The following GTF2I variants were observed in gnomAD, a reference collection of about 807,000 sequenced individuals.
GTF2I encodes the protein general transcription factor IIi, also known as general transcription factor II-I.
In GTF2I, 12 loss-of-function variants were observed where a neutral mutation model predicts 67.6. The ratio of observed to expected loss-of-function variants is 0.18; its 90% confidence interval spans 0.11 to 0.29. GTF2I has a LOEUF of 0.29. GTF2I is among the 10% of genes least tolerant of loss of function. GTF2I has a pLI of 1.00. For missense variants in GTF2I, 271 were observed against 580.1 expected, an observed-to-expected ratio of 0.47 and a Z score of 5.47; for synonymous variants, 149 against 197.0, an observed-to-expected ratio of 0.76 and a Z score of 2.04.
At chr7:74,691,480 T>C (rs1788304164) in intron 3 of GTF2I, among the ~76,000 whole-genome samples, 1 of 152,190 alleles carries the variant, frequency 6.6e-6, no homozygotes, top group Non-Finnish European at 1.5e-5. Flanking sequence ...TGCAGAGGGA[T>C]TATAGGCGTG....
At chr7:74,680,079 C>CAAAAAAAA (rs1225904374) in intron 1 of GTF2I, among the ~76,000 whole-genome samples, 2 of 30,524 alleles carry the variant, frequency 6.6e-5, no homozygotes, top group Admixed American at 7.6e-4. Flanking sequence ...GAGTCCATCT[C>CAAAAAAAA]AAAAAAAAAA....
chr7:74,706,519 G>A, intron 8 of GTF2I, 86 bp downstream of exon 8: 1 of 1,024,434 alleles, frequency 9.8e-7, no homozygotes, highest in Non-Finnish European at 1.5e-6. Flanking sequence ...CTCAATTATT[G>A]TTTTGTTTTG....
In GTF2I at chr7:74,697,808, C is replaced by T. The variant is rs587748867; in HGVS notation, c.239-1153C>T. On this transcript the variant is annotated intron_variant, in intron 3 of 34. Coordinates refer to ENST00000573035, the MANE Select transcript of GTF2I (RefSeq NM_032999.4). Reference sequence around the variant, plus strand: ...TTTTTGAGACGGAGTCTTGCTCTGTCGCCAGGCTGGAGTGCAGTGGTGCAA... The same window carrying T: ...TTTTTGAGACGGAGTCTTGCTCTGTTGCCAGGCTGGAGTGCAGTGGTGCAA... 7.1e-4 allele frequency among the ~76,000 whole-genome samples: 108 copies of T among 152,234 alleles called. 1 individual carries two copies. The highest frequency in any genetic ancestry group is 2.4e-3 in the African/African-American group (100 of 41,560).
At chr7:74,688,182 G>C (rs782772342) in intron 1 of GTF2I, among the ~76,000 whole-genome samples, 1 of 152,012 alleles carries the variant, frequency 6.6e-6, no homozygotes, top group Non-Finnish European at 1.5e-5. Context: ...AGGTTCAAGC[G>C]ATTCCCCTGT....
At chr7:74,724,778 G>C (rs1007318352) in intron 12 of GTF2I, among the ~76,000 whole-genome samples, 3 of 151,998 alleles carry the variant, frequency 2.0e-5, no homozygotes, top group Admixed American at 6.6e-5. Context: ...AAAATTAGCT[G>C]GGCGTGGTGG....
chr7:74,709,346 T>C (rs1304555170), intron 8 of GTF2I, among the ~76,000 whole-genome samples: 1 of 152,202 alleles, frequency 6.6e-6, no homozygotes, highest in Admixed American at 6.5e-5. Context: ...TGTCTCAGAT[T>C]CAAGCGATTC....
chr7:74,716,287 T>C (rs1792255747), intron 10 of GTF2I, among the ~76,000 whole-genome samples: 1 of 152,168 alleles, frequency 6.6e-6, no homozygotes, highest in Non-Finnish European at 1.5e-5. Flanking sequence ...CATTGCTTTA[T>C]GTTCCAGTTT....
chr7:74,708,765 A>G (rs1554402004), intron 8 of GTF2I, among the ~76,000 whole-genome samples: 1 of 152,194 alleles, frequency 6.6e-6, no homozygotes, highest in Non-Finnish European at 1.5e-5. Context: ...ACTGAGAGAC[A>G]TCAGTTTTGT....
Position 74,658,535 on chromosome 7 carries a change from G to C in GTF2I, c.-6+467G>C, listed in dbSNP as rs587726562. Among the ~76,000 whole-genome samples the C allele has an allele frequency of 3.8e-3, 569 of 150,098 alleles. 2 individuals carry two copies. The highest frequency in any genetic ancestry group is 9.1e-3 in the South Asian group (44 of 4,818). On this transcript the variant is annotated intron_variant, in intron 1 of 34. Transcript: ENST00000573035. ...CGGGGGCGCGCGCGGTGCCAGGCCCGAGCCGTCGTGGGGTCGCGCTCGCCT... is the reference window on the plus strand; with the variant it reads ...CGGGGGCGCGCGCGGTGCCAGGCCCCAGCCGTCGTGGGGTCGCGCTCGCCT...
At chr7:74,719,260 TAGA>T (rs1792637575) in intron 12 of GTF2I, among the ~76,000 whole-genome samples, 1 of 152,236 alleles carries the variant, frequency 6.6e-6, no homozygotes, top group Non-Finnish European at 1.5e-5. Context: ...TGGGTTGTGA[TAGA>T]AGAAGACTTA....
At chr7:74,708,576 G>T (rs1334697320) in intron 8 of GTF2I, among the ~76,000 whole-genome samples, 1 of 152,112 alleles carries the variant, frequency 6.6e-6, no homozygotes, top group Non-Finnish European at 1.5e-5. Context: ...CTGAACGAGG[G>T]TACCAAGGAG....
intron 1 of GTF2I, among the ~76,000 whole-genome samples, chr7:74,679,124 G>T (rs1554393324): frequency 6.6e-6 from 1 of 150,632 alleles, no homozygotes; most frequent in East Asian, 2.0e-4. Flanking sequence ...TGTTGCTCAG[G>T]CTGGAGTGCA....
At chr7:74,667,711 TC>T (rs1247643076) in intron 1 of GTF2I, among the ~76,000 whole-genome samples, 2 of 151,668 alleles carry the variant, frequency 1.3e-5, no homozygotes, top group East Asian at 1.9e-4. Context: ...GAGATGGGGG[TC>T]TCACTATGTT....
chr7:74,700,857 C>A (rs1202448071), intron 6 of GTF2I, among the ~76,000 whole-genome samples: 1 of 152,188 alleles, frequency 6.6e-6, no homozygotes, highest in Non-Finnish European at 1.5e-5. Flanking sequence ...TATAGAAGAT[C>A]ATACATCTGC....
In GTF2I at chr7:74,668,173, C is replaced by T. The variant is rs1387893329; in HGVS notation, c.-6+10105C>T. On this transcript the variant is annotated intron_variant, in intron 1 of 34. Coordinates refer to ENST00000573035, the MANE Select transcript of GTF2I (RefSeq NM_032999.4). ...GTATGTATAGTTCAGTGGTGCAGAA[C>T]TTTTTTTTTTTTTTTTTTTTTTTGA... Among the ~76,000 whole-genome samples, 11 of 92,962 alleles carry T rather than the reference C, an allele frequency of 1.2e-4. No homozygotes were observed. The East Asian group carries it at 2.7e-3, about 23-fold the overall frequency. 61.0% of individuals were successfully genotyped at this position (92,962 alleles called of 152,430 possible).
At chr7:74,669,126 G>A (rs1554389632) in intron 1 of GTF2I, among the ~76,000 whole-genome samples, 1 of 151,544 alleles carries the variant, frequency 6.6e-6, no homozygotes, top group Non-Finnish European at 1.5e-5. Context: ...TCAGAACACA[G>A]CATGTTTCTT....
At chr7:74,679,454 T>C (rs1343415487) in intron 1 of GTF2I, among the ~76,000 whole-genome samples, 1 of 152,246 alleles carries the variant, frequency 6.6e-6, no homozygotes, top group Non-Finnish European at 1.5e-5. Context: ...CAGTGTCCAC[T>C]ATCATCTTTG....
chr7:74,705,043 C>T (rs1790434645), intron 6 of GTF2I, 121 bp from the exon 7 acceptor site: 2 of 687,668 alleles, frequency 2.9e-6, no homozygotes, highest in East Asian at 2.7e-5. Context: ...AGTGTTTATT[C>T]TGGTGTGATC....
chr7:74,705,292 T>A lies in GTF2I; in HGVS notation c.641+74T>A. ...TTTTAGTTGTTAGATAATTGAGATATCAGAATATTAAAAAGGCCTCATGTC... is the reference window on the plus strand; with the variant it reads ...TTTTAGTTGTTAGATAATTGAGATAACAGAATATTAAAAAGGCCTCATGTC... On this transcript the variant is annotated intron_variant, in intron 7 of 34. Transcript: ENST00000573035. 4 of 882,564 alleles carry A rather than the reference T, an allele frequency of 4.5e-6. No homozygotes were observed. In the South Asian group the frequency reaches 5.5e-5, roughly 12 times the overall value. The allele number at this position is 882,564 out of a possible 1,614,324, so 54.7% of individuals were successfully genotyped here. A position where few individuals can be genotyped will look rare whatever the true frequency, so the allele number is the denominator to read the frequency against.
Sources: allele counts gnomAD v4.1 joint callset (sites outside exome capture counted in the v4.1 genomes callset), GRCh38; gene constraint gnomAD v4.1.1; transcripts MANE v1.5; gene names NCBI Gene and HGNC (gene_info 2026-07-23, HGNC 2026-07-21).